DYNC2I1: variants seen among roughly 807,000 people sequenced by gnomAD.
The protein encoded by DYNC2I1 is dynein 2 intermediate chain 1.
Under a neutral mutation model 133.4 loss-of-function variants are expected in DYNC2I1, and 89 were observed. The ratio of observed to expected loss-of-function variants is 0.67; its 90% CI spans 0.56 to 0.80. DYNC2I1 has a LOEUF of 0.80. Among genes scored for constraint, DYNC2I1 ranks in the 30% least tolerant of loss-of-function variants. The probability of loss-of-function intolerance (pLI) is 0.00; values close to 1 mark genes in which losing one functional copy is unlikely to be tolerated. For missense variants in DYNC2I1, 1,291 were observed against 1,314.5 expected, an observed-to-expected ratio of 0.98 and a Z score of 0.28; for synonymous variants, 504 against 484.3, an observed-to-expected ratio of 1.04 and a Z score of -0.54.
At chr7:158,908,535 CA>C (rs1367506430) in intron 11 of DYNC2I1, among the ~76,000 whole-genome samples, 1 of 152,098 alleles carries the variant, frequency 6.6e-6, no homozygotes, top group Non-Finnish European at 1.5e-5. Context: ...ATTTAATAAG[CA>C]AAGTTAAATA....
intron 3 of DYNC2I1, among the ~76,000 whole-genome samples, chr7:158,872,835 GAAAA>G (rs958807030): frequency 2.0e-5 from 3 of 151,408 alleles, no homozygotes; most frequent in Non-Finnish European, 4.4e-5. Context: ...CATCTCTACT[GAAAA>G]AAAAGAAAAG....
At chr7:158,953,976 G>A (rs3850492) in intron 4 of DYNC2I1, among the ~76,000 whole-genome samples, 27,930 of 152,048 alleles carry the variant, frequency 0.18, 3,170 homozygotes, top group East Asian at 0.42. Context: ...ATCTTGCAGC[G>A]TATCTCCTGT....
At chr7:158,913,145 T>C (rs763045664) in intron 13 of DYNC2I1, 49 bp downstream of exon 13, 1 of 1,362,334 alleles carries the variant, frequency 7.3e-7, no homozygotes, top group East Asian at 2.4e-5. Flanking sequence ...TTACATTCTT[T>C]TTTGTTTTAT....
intron 8 of DYNC2I1, among the ~76,000 whole-genome samples, chr7:158,895,960 T>C (rs1459263532): frequency 6.6e-6 from 1 of 152,238 alleles, no homozygotes; most frequent in East Asian, 1.9e-4. Context: ...CTGACTTTTG[T>C]ATACTCACTC....
chr7:158,942,414 G>C (rs1330805609), intron 24 of DYNC2I1, among the ~76,000 whole-genome samples: 1 of 152,156 alleles, frequency 6.6e-6, no homozygotes, highest in Non-Finnish European at 1.5e-5. Flanking sequence ...GTGCAATCAC[G>C]GGCCTGTTCC....
intron 14 of DYNC2I1, among the ~76,000 whole-genome samples, chr7:158,916,879 T>A (rs71547577): frequency 3.5e-3 from 67 of 19,008 alleles, no homozygotes; most frequent in African/African-American, 3.9e-3. Flanking sequence ...GGTTGACATT[T>A]AGGATGATTG....
chr7:158,880,680 G>A (rs1843909950), intron 5 of DYNC2I1, among the ~76,000 whole-genome samples: 1 of 152,148 alleles, frequency 6.6e-6, no homozygotes, highest in African/African-American at 2.4e-5. Flanking sequence ...TGCAAAAAAA[G>A]CAAAACAAGA....
rs755486856 is a variant in DYNC2I1, at chr7:158,871,398, G to T, written c.326G>T (p.Arg109Leu). The change falls in exon 3 of 25, where the codon CGA becomes CTA. Residue 109 changes from arginine (R) to leucine (L), a missense_variant. Physicochemically the swap from Arg to Leu is moderately radical, Grantham distance 102 (BLOSUM62 -2). Transcript: ENST00000407559. ...AAAGAAAAGCTGAAGGAGAAACATCGAGAGGCAGAAAAGTCTCACAGCAGA... is the reference window on the plus strand; with the variant it reads ...AAAGAAAAGCTGAAGGAGAAACATCTAGAGGCAGAAAAGTCTCACAGCAGA... ...REKEKLKEKHREAEKSHSRGK... is the reference protein window; with the variant it reads ...REKEKLKEKHLEAEKSHSRGK... 2 of 1,551,596 alleles carry T rather than the reference G, an allele frequency of 1.3e-6. No homozygotes were observed. Among genetic ancestry groups the T allele is most frequent in the Non-Finnish European group, 1.7e-6 (2 of 1,147,022 alleles).
At chr7:158,946,620 G>A (rs1851891303), downstream of DYNC2I1, among the ~76,000 whole-genome samples, 1 of 152,262 alleles carries the variant, frequency 6.6e-6, no homozygotes, top group Non-Finnish European at 1.5e-5. Flanking sequence ...GTCTCAAAGG[G>A]CCCTGCCCCT....
intron 14 of DYNC2I1, among the ~76,000 whole-genome samples, chr7:158,916,381 CATT>C (rs1848296704): frequency 1.1e-4 from 2 of 17,684 alleles, no homozygotes; most frequent in South Asian, 3.4e-3. Context: ...CGCTGGTTGA[CATT>C]AAGGATGATT....
chr7:158,850,371 A>C, the DYNC2I1 span, among the ~76,000 whole-genome samples: 5 of 152,180 alleles, frequency 3.3e-5, no homozygotes, highest in African/African-American at 1.2e-4. Flanking sequence ...CTCCCAGGCA[A>C]AAGCACAGGG....
At chr7:158,905,144 T>TC (rs1563142456) in intron 10 of DYNC2I1, 2 of 359,086 alleles carry the variant, frequency 5.6e-6, no homozygotes, top group Non-Finnish European at 1.1e-5. Flanking sequence ...CTTTTTCTTT[T>TC]TTTTTTTTTT....
chr7:158,913,332 C>T (rs950990298), intron 13 of DYNC2I1, among the ~76,000 whole-genome samples: 4 of 152,146 alleles, frequency 2.6e-5, no homozygotes, highest in Admixed American at 2.6e-4. Flanking sequence ...TGTGCCATTG[C>T]CAGGATTTAT....
chr7:158,902,226 A>G, intron 9 of DYNC2I1, 150 bp from the exon 10 acceptor site: 1 of 690,196 alleles, frequency 1.4e-6, no homozygotes, highest in Non-Finnish European at 2.4e-6. Context: ...CTTCAAAAAC[A>G]TTAAAATCAG....
downstream of DYNC2I1, among the ~76,000 whole-genome samples, chr7:158,958,393 C>T (rs1852254410): frequency 6.6e-6 from 1 of 152,210 alleles, no homozygotes; most frequent in Non-Finnish European, 1.5e-5. Context: ...TCACCGTGGC[C>T]GGGGTCCTGT....
the DYNC2I1 span, among the ~76,000 whole-genome samples, chr7:158,850,031 A>G: frequency 4.6e-5 from 7 of 152,264 alleles, no homozygotes; most frequent in African/African-American, 1.7e-4. Flanking sequence ...CATGGCCCCA[A>G]CCCCTGCTCA....
chr7:158,929,450 C>G (rs1849977922), intron 20 of DYNC2I1, among the ~76,000 whole-genome samples: 1 of 150,164 alleles, frequency 6.7e-6, no homozygotes, highest in Non-Finnish European at 1.5e-5. Flanking sequence ...AGGGCCTGGC[C>G]AGAAAGGCTG....
rs1584967152 is a variant in DYNC2I1, at chr7:158,869,129, G to A, written c.16-726G>A. ...GAGGTGGTGACTCATGAGGGGCTGC[G>A]GGAGCCGTGCCTCTCACGCACCTGC... On this transcript the variant is annotated intron_variant, in intron 1 of 24. Coordinates refer to ENST00000407559, the MANE Select transcript of DYNC2I1 (RefSeq NM_018051.5). Among the ~76,000 whole-genome samples the A allele has an allele frequency of 2.6e-5, 4 of 152,274 alleles. No homozygotes were observed. The South Asian group carries it at 8.3e-4, about 32-fold the overall frequency.
chr7:158,873,120 A>C (rs575907315), intron 3 of DYNC2I1, among the ~76,000 whole-genome samples: 2 of 152,344 alleles, frequency 1.3e-5, no homozygotes, highest in East Asian at 1.9e-4. Context: ...ATATTTTCTA[A>C]AAGTGTGTTT....
Sources: allele counts gnomAD v4.1 joint callset (sites outside exome capture counted in the v4.1 genomes callset), GRCh38; gene constraint gnomAD v4.1.1; transcripts MANE v1.5; gene names NCBI Gene and HGNC (gene_info 2026-07-23, HGNC 2026-07-21).